Variants in ZMAT4 observed in about 807,000 individuals in gnomAD.
ZMAT4 encodes zinc finger matrin-type 4.
In ZMAT4, 17 loss-of-function variants were observed where a neutral mutation model predicts 28.7. That is an observed-to-expected ratio of 0.59 (90% CI 0.41 to 0.89). The LOEUF is 0.89. Among genes scored for constraint, ZMAT4 ranks in the 40% least tolerant of loss-of-function variants. ZMAT4 has a pLI of 0.00. For synonymous variants in ZMAT4, 117 were observed against 109.2 expected (o/e 1.07, Z -0.44); for missense variants, 240 against 283.8 (o/e 0.85, Z 1.11).
intron 3 of ZMAT4, among the ~76,000 whole-genome samples, chr8:40,726,266 G>A (rs35613734): frequency 0.016 from 2,494 of 152,320 alleles, 28 homozygotes; most frequent in Non-Finnish European, 0.025. Context: ...AAAACAGACA[G>A]ATCAGAGTAA....
chr8:40,743,148 G>T (rs933329517), intron 3 of ZMAT4, among the ~76,000 whole-genome samples: 1 of 152,082 alleles, frequency 6.6e-6, no homozygotes, highest in African/African-American at 2.4e-5. Context: ...TTTGTAATCA[G>T]AAAAGAAAAT....
At chr8:40,649,150 A>C (rs1807503035) in intron 5 of ZMAT4, among the ~76,000 whole-genome samples, 1 of 152,122 alleles carries the variant, frequency 6.6e-6, no homozygotes, top group Admixed American at 6.5e-5. Flanking sequence ...AAGAGTCAAG[A>C]CCCATCAGTG....
intron 6 of ZMAT4, among the ~76,000 whole-genome samples, chr8:40,539,922 C>G (rs1425722932): frequency 6.6e-6 from 1 of 152,170 alleles, no homozygotes; most frequent in Non-Finnish European, 1.5e-5. Context: ...TCTGGCCATG[C>G]TGGAAAGATA....
At chr8:40,820,838 T>C (rs1287371462) in intron 2 of ZMAT4, among the ~76,000 whole-genome samples, 2 of 150,682 alleles carry the variant, frequency 1.3e-5, no homozygotes, top group Non-Finnish European at 2.9e-5. Context: ...TTTATGTGTG[T>C]ATGTGTGTAT....
rs560134073 is a variant in ZMAT4, at chr8:40,635,671, G to A, written c.577+39033C>T. Reference sequence around the variant, plus strand: ...GCACCAGACTTAAACATAGAAGTCCGAGGTTTGAATTGCTGCTTTTTAATT... The same window carrying A: ...GCACCAGACTTAAACATAGAAGTCCAAGGTTTGAATTGCTGCTTTTTAATT... On this transcript the variant is annotated intron_variant, in intron 5 of 6. Transcript: ENST00000297737. Among the ~76,000 whole-genome samples the A allele has an allele frequency of 1.4e-3, 212 of 152,300 alleles. 1 individual carries two copies. Among genetic ancestry groups the A allele is most frequent in the African/African-American group, 5.0e-3 (206 of 41,556 alleles).
chr8:40,838,048 C>T (rs763010845), intron 1 of ZMAT4, among the ~76,000 whole-genome samples: 2 of 152,214 alleles, frequency 1.3e-5, no homozygotes, highest in African/African-American at 2.4e-5. Flanking sequence ...TGCCACACAT[C>T]GAAGTCGCAG....
At chr8:40,712,752 T>A (rs1173020415) in intron 3 of ZMAT4, among the ~76,000 whole-genome samples, 1 of 152,170 alleles carries the variant, frequency 6.6e-6, no homozygotes, top group East Asian at 1.9e-4. Context: ...CAGGAAAAGA[T>A]GGCACCTGGA....
rs74616784 is a variant in ZMAT4 at position 40,769,519 on chromosome 8, A to G, written c.103-1789T>C. ...TGGGACTACTACTACAGTCAAAAGA[A>G]TAAAAAGGAACATTTAACCTGCAAG... is the stretch of plus-strand genomic sequence containing the variant. On this transcript the variant is annotated intron_variant, in intron 2 of 6. Transcript: ENST00000297737. Among the ~76,000 whole-genome samples the G allele has an allele frequency of 1.6e-3, 241 of 152,366 alleles. 5 individuals are homozygous for G. In the East Asian group the frequency reaches 0.04, roughly 25 times the overall value.
chr8:40,727,252 C>T (rs1459937996), intron 3 of ZMAT4, among the ~76,000 whole-genome samples: 3 of 152,106 alleles, frequency 2.0e-5, no homozygotes, highest in East Asian at 1.9e-4. Flanking sequence ...CCAGAGTTCT[C>T]GTCATCTCAG....
At chr8:40,613,659 T>G (rs1389183147) in intron 5 of ZMAT4, among the ~76,000 whole-genome samples, 1 of 152,192 alleles carries the variant, frequency 6.6e-6, no homozygotes, top group East Asian at 1.9e-4. Context: ...TCATCTTGGA[T>G]TTCCTTAGCT....
chr8:40,809,202 A>G (rs1387598066), intron 2 of ZMAT4, among the ~76,000 whole-genome samples: 1 of 152,234 alleles, frequency 6.6e-6, no homozygotes, highest in Non-Finnish European at 1.5e-5. Flanking sequence ...TAATGCAGGA[A>G]CAGAAAACCA....
intron 1 of ZMAT4, among the ~76,000 whole-genome samples, chr8:40,843,428 G>A (rs528535390): frequency 6.6e-6 from 1 of 152,258 alleles, no homozygotes; most frequent in African/African-American, 2.4e-5. Flanking sequence ...TTTGTATGTT[G>A]CAAGATGGGT....
At chr8:40,679,584 A>C (rs781604662) in intron 4 of ZMAT4, among the ~76,000 whole-genome samples, 8 of 152,144 alleles carry the variant, frequency 5.3e-5, no homozygotes, top group Non-Finnish European at 7.4e-5. Context: ...GTGAGAACTC[A>C]CTCACTATCA....
intron 6 of ZMAT4, among the ~76,000 whole-genome samples, chr8:40,558,758 C>T (rs867452662): frequency 6.6e-6 from 1 of 152,030 alleles, no homozygotes; most frequent in African/African-American, 2.4e-5. Flanking sequence ...ACTGACTGAA[C>T]GGGCTCCCGC....
intron 2 of ZMAT4, among the ~76,000 whole-genome samples, chr8:40,781,073 A>G (rs531028691): frequency 3.3e-5 from 5 of 152,302 alleles, no homozygotes; most frequent in East Asian, 1.9e-4. Flanking sequence ...AGGTGAGGGA[A>G]GCATCTAAAC....
At chr8:40,847,215 A>AAC (rs1350720413) in intron 1 of ZMAT4, among the ~76,000 whole-genome samples, 14 of 94,496 alleles carry the variant, frequency 1.5e-4, no homozygotes, top group Admixed American at 1.3e-3. Context: ...AAAAACAAAC[A>AAC]AACAAAAAAA....
intron 3 of ZMAT4, among the ~76,000 whole-genome samples, chr8:40,709,031 T>C (rs1331378115): frequency 3.9e-5 from 6 of 152,130 alleles, no homozygotes; most frequent in Admixed American, 3.9e-4. Flanking sequence ...TCAGTATCCA[T>C]GGGGAATTGG....
chr8:40,706,220 T>C (rs1289805753), intron 3 of ZMAT4, among the ~76,000 whole-genome samples: 6 of 151,996 alleles, frequency 3.9e-5, no homozygotes, highest in African/African-American at 2.4e-5. Flanking sequence ...GTCCAACTAA[T>C]TTTTTGTATT....
At chr8:40,824,719 A>G (rs990335511) in intron 2 of ZMAT4, among the ~76,000 whole-genome samples, 3 of 149,746 alleles carry the variant, frequency 2.0e-5, no homozygotes, top group Non-Finnish European at 3.0e-5. Context: ...AAAGAATGAA[A>G]GAAAGAAAGA....
Sources: allele counts gnomAD v4.1 joint callset (sites outside exome capture counted in the v4.1 genomes callset), GRCh38; gene constraint gnomAD v4.1.1; transcripts MANE v1.5; gene names NCBI Gene and HGNC (gene_info 2026-07-23, HGNC 2026-07-21).